LSAMP: variants seen among roughly 807,000 people sequenced by gnomAD.
LSAMP encodes the protein limbic system-associated membrane protein.
Under a neutral mutation model 38.6 loss-of-function variants are expected in LSAMP, and 7 were observed. The ratio of observed to expected loss-of-function variants is 0.18; its 90% CI spans 0.10 to 0.34. The LOEUF (loss-of-function observed/expected upper bound fraction) is 0.34. Ranked by LOEUF, LSAMP falls within the 10% of genes least tolerant of loss-of-function variation. The probability of loss-of-function intolerance (pLI) is 1.00; values close to 1 mark genes in which losing one functional copy is unlikely to be tolerated. For missense variants in LSAMP, 313 were observed against 420.0 expected (o/e 0.75, Z 2.23); for synonymous variants, 154 against 166.8 (o/e 0.92, Z 0.59).
rs535293949 is a variant in LSAMP, at chr3:115,818,229, T to G, written c.920-7815A>C. 1.2e-4 allele frequency among the ~76,000 whole-genome samples: 19 copies of G among 152,330 alleles called. No homozygotes were observed. In the South Asian group the frequency reaches 3.9e-3, roughly 32 times the overall value. ...ACTGGCTGGAAAGGTACGACTCTTG[T>G]GCAAAGTGCAACTTTCCTCTTTCTT... On this transcript the variant is annotated intron_variant, in intron 6 of 6. Transcript: ENST00000490035.
chr3:116,431,252 T>G (rs1414172394), intron 1 of LSAMP, among the ~76,000 whole-genome samples: 1 of 152,046 alleles, frequency 6.6e-6, no homozygotes, highest in Admixed American at 6.5e-5. Flanking sequence ...AATATATTAA[T>G]AAGTCTATTG....
chr3:116,435,963 C>G (rs1217811388), intron 1 of LSAMP, among the ~76,000 whole-genome samples: 1 of 152,006 alleles, frequency 6.6e-6, no homozygotes, highest in Admixed American at 6.6e-5. Flanking sequence ...GAGTAACAGG[C>G]AGAGGTACCA....
intron 1 of LSAMP, among the ~76,000 whole-genome samples, chr3:116,129,979 C>T (rs1055543574): frequency 2.0e-5 from 3 of 152,194 alleles, no homozygotes; most frequent in Non-Finnish European, 2.9e-5. Flanking sequence ...ACACCAATTC[C>T]AGAAACAGCA....
intron 2 of LSAMP, among the ~76,000 whole-genome samples, chr3:116,073,447 T>A (rs1291965364): frequency 6.6e-6 from 1 of 152,244 alleles, no homozygotes; most frequent in Non-Finnish European, 1.5e-5. Flanking sequence ...TTTCTAATTC[T>A]GTGAAGAATG....
intron 1 of LSAMP, among the ~76,000 whole-genome samples, chr3:116,178,946 G>C (rs1710418628): frequency 1.3e-5 from 2 of 151,756 alleles, no homozygotes; most frequent in African/African-American, 4.8e-5. Context: ...TTATCAAATT[G>C]GGTTTTAATC....
chr3:116,343,173 T>C (rs1342227119), intron 1 of LSAMP, among the ~76,000 whole-genome samples: 1 of 152,136 alleles, frequency 6.6e-6, no homozygotes, highest in Non-Finnish European at 1.5e-5. Context: ...ATGTGAAATT[T>C]CTGCACCTAC....
chr3:116,025,264 C>G (rs1484658895), intron 2 of LSAMP, among the ~76,000 whole-genome samples: 1 of 152,042 alleles, frequency 6.6e-6, no homozygotes, highest in East Asian at 1.9e-4. Flanking sequence ...TGTTTTCAAT[C>G]TATTCAGTTT....
chr3:116,351,421 CA>C (rs1246863968), intron 1 of LSAMP, among the ~76,000 whole-genome samples: 1 of 152,040 alleles, frequency 6.6e-6, no homozygotes, highest in Non-Finnish European at 1.5e-5. Flanking sequence ...TGGAACCTGA[CA>C]GGGGAATGGC....
intron 2 of LSAMP, among the ~76,000 whole-genome samples, chr3:116,037,766 C>T (rs972418231): frequency 4.0e-5 from 6 of 151,824 alleles, no homozygotes; most frequent in Non-Finnish European, 8.8e-5. Context: ...CCTAGCACAC[C>T]TTTATAGTTT....
chr3:115,991,388 G>T (rs115086382), intron 3 of LSAMP, among the ~76,000 whole-genome samples: 1,654 of 152,056 alleles, frequency 0.011, 17 homozygotes, highest in Non-Finnish European at 0.019. Context: ...AACTCAACTT[G>T]TATTTAATAA....
chr3:115,811,132 A>T (rs188597173), intron 6 of LSAMP, among the ~76,000 whole-genome samples: 1 of 152,346 alleles, frequency 6.6e-6, no homozygotes, highest in Non-Finnish European at 1.5e-5. Flanking sequence ...GCAGGTCCAA[A>T]CCATGAGCAG....
intron 3 of LSAMP, among the ~76,000 whole-genome samples, chr3:115,865,164 A>G (rs546799068): frequency 7.1e-4 from 108 of 152,332 alleles, no homozygotes; most frequent in Non-Finnish European, 1.2e-3. Flanking sequence ...CTATCAGTTT[A>G]TTCAAGTCTT....
chr3:116,431,408 G>A (rs1379230574), intron 1 of LSAMP, among the ~76,000 whole-genome samples: 1 of 152,004 alleles, frequency 6.6e-6, no homozygotes, highest in Non-Finnish European at 1.5e-5. Flanking sequence ...AGTGATCACT[G>A]CTTTCTTTTC....
chr3:115,898,598 C>CATATATATATATAT (rs10527269), intron 3 of LSAMP, among the ~76,000 whole-genome samples: 20 of 142,044 alleles, frequency 1.4e-4, no homozygotes, highest in African/African-American at 3.1e-4. Context: ...CATGAAGATG[C>CATATATATATATAT]ATATATATAT....
intron 1 of LSAMP, among the ~76,000 whole-genome samples, chr3:116,315,422 A>G (rs958974797): frequency 6.6e-6 from 1 of 152,204 alleles, no homozygotes; most frequent in Non-Finnish European, 1.5e-5. Flanking sequence ...GGAAATTTAC[A>G]TATCTATGTT....
intron 1 of LSAMP, among the ~76,000 whole-genome samples, chr3:116,290,504 G>A (rs1053098259): frequency 9.9e-5 from 15 of 152,078 alleles, no homozygotes; most frequent in African/African-American, 3.6e-4. Flanking sequence ...GGCCGAGGCA[G>A]GCAGATCATG....
chr3:116,381,232 T>C (rs2048554340), intron 1 of LSAMP, among the ~76,000 whole-genome samples: 1 of 152,246 alleles, frequency 6.6e-6, no homozygotes, highest in East Asian at 1.9e-4. Context: ...ATTGCAAATA[T>C]ACAAGTTCAA....
intron 1 of LSAMP, among the ~76,000 whole-genome samples, chr3:116,201,559 T>C (rs760343079): frequency 3.3e-5 from 5 of 152,134 alleles, no homozygotes. Context: ...GCTTGTTGCC[T>C]ACAGGTTAAT....
At chr3:116,094,747 C>A (rs185066786) in intron 1 of LSAMP, among the ~76,000 whole-genome samples, 1 of 152,288 alleles carries the variant, frequency 6.6e-6, no homozygotes, top group African/African-American at 2.4e-5. Context: ...CAGTTTAGAT[C>A]CTGAAGAGGC....
Sources: allele counts gnomAD v4.1 joint callset (sites outside exome capture counted in the v4.1 genomes callset), GRCh38; gene constraint gnomAD v4.1.1; transcripts MANE v1.5; gene names NCBI Gene and HGNC (gene_info 2026-07-23, HGNC 2026-07-21).